RABGAP1L: variants seen among roughly 807,000 people sequenced by gnomAD.
The protein encoded by RABGAP1L is RAB GTPase activating protein 1 like.
RABGAP1L carries 63 observed loss-of-function variants against 137.7 expected under a neutral mutation model. The observed-to-expected ratio is 0.46, with a 90% CI of 0.37 to 0.56. The LOEUF is 0.56. Ranked by LOEUF, RABGAP1L falls within the 20% of genes least tolerant of loss-of-function variation. The probability of loss-of-function intolerance (pLI) is 0.00; values close to 1 mark genes in which losing one functional copy is unlikely to be tolerated. For missense variants in RABGAP1L, 1,095 were observed against 1,244.0 expected, an observed-to-expected ratio of 0.88 and a Z score of 1.80; for synonymous variants, 431 against 433.7, an observed-to-expected ratio of 0.99 and a Z score of 0.08.
intron 19 of RABGAP1L, chr1:174,892,413 A>C (rs563210462): frequency 2.5e-6 from 1 of 404,094 alleles, no homozygotes; most frequent in East Asian, 7.3e-5. Flanking sequence ...CCCTGGTTGA[A>C]GAAATATGAA....
At chr1:174,611,168 C>A (rs1052642540) in intron 13 of RABGAP1L, among the ~76,000 whole-genome samples, 9 of 147,910 alleles carry the variant, frequency 6.1e-5, no homozygotes, top group African/African-American at 2.1e-4. Context: ...AGGTTTTCTT[C>A]TAGGGTTTTT....
At chr1:174,318,752 T>A (rs964188714) in intron 11 of RABGAP1L, among the ~76,000 whole-genome samples, 6 of 151,930 alleles carry the variant, frequency 3.9e-5, no homozygotes, top group Non-Finnish European at 8.8e-5. Flanking sequence ...TTTTATGTAT[T>A]TGCTATACTT....
rs557352734 is a variant in RABGAP1L, at chr1:174,620,536, C to T, written c.1711-16839C>T. ...GAACAACCTGCTCCTGAATGACTGC[C>T]AGGTACATAACGAAATGAAGGCAGA... On this transcript the variant is annotated intron_variant, in intron 13 of 25. Coordinates refer to ENST00000681986, the MANE Select transcript of RABGAP1L (RefSeq NM_001366446.1). Among the ~76,000 whole-genome samples, 89 of 151,954 alleles carry T rather than the reference C, an allele frequency of 5.9e-4. 2 individuals carry two copies. The South Asian group carries it at 0.01, about 18-fold the overall frequency.
intron 14 of RABGAP1L, among the ~76,000 whole-genome samples, chr1:174,649,628 T>C (rs1244690228): frequency 6.6e-6 from 1 of 152,106 alleles, no homozygotes; most frequent in East Asian, 1.9e-4. Context: ...ATGATTTGGC[T>C]CTCTGTTTGT....
chr1:174,740,541 T>C (rs332790), intron 17 of RABGAP1L, among the ~76,000 whole-genome samples: 9,557 of 152,246 alleles, frequency 0.063, 998 homozygotes, highest in African/African-American at 0.22. Context: ...GCCTCCTAAC[T>C]GTATATATGT....
chr1:174,393,441 C>T (rs1647410622), intron 12 of RABGAP1L, among the ~76,000 whole-genome samples: 2 of 152,134 alleles, frequency 1.3e-5, no homozygotes, highest in Non-Finnish European at 2.9e-5. Flanking sequence ...CAGGATGTGG[C>T]CGCCAGGTAA....
At chr1:174,626,768 T>C (rs1672969780) in intron 13 of RABGAP1L, among the ~76,000 whole-genome samples, 1 of 152,250 alleles carries the variant, frequency 6.6e-6, no homozygotes. Context: ...AGTACACTTT[T>C]ATATTTTCTC....
At chr1:174,983,521 T>C (rs1212270102) in intron 24 of RABGAP1L, among the ~76,000 whole-genome samples, 1 of 152,222 alleles carries the variant, frequency 6.6e-6, no homozygotes, top group Non-Finnish European at 1.5e-5. Context: ...GGCAATATTG[T>C]CATAGTCAAC....
chr1:174,216,401 A>G (rs1669321619), intron 1 of RABGAP1L, among the ~76,000 whole-genome samples: 1 of 152,184 alleles, frequency 6.6e-6, no homozygotes, highest in Non-Finnish European at 1.5e-5. Context: ...AAAGTATCTC[A>G]CATAACACAT....
At position 174,819,599 on chromosome 1, in the gene RABGAP1L, G is replaced by A. The variant is rs544081625; in HGVS notation, c.2340+7639G>A. Among the ~76,000 whole-genome samples, 8 of 152,320 alleles carry A rather than the reference G, an allele frequency of 5.3e-5. No individual in the cohort carries two copies. In the South Asian group the frequency reaches 1.2e-3, roughly 24 times the overall value. ...ACCTTGACTCAATGATCTAGAGAAA[G>A]CATTCTTGAACTGAGATTACAAGGT... On this transcript the variant is annotated intron_variant, in intron 19 of 25. Transcript: ENST00000681986.
At chr1:174,416,571 A>C (rs1571700331) in intron 13 of RABGAP1L, among the ~76,000 whole-genome samples, 1 of 152,138 alleles carries the variant, frequency 6.6e-6, no homozygotes, top group South Asian at 2.1e-4. Flanking sequence ...ACCACATTTT[A>C]AATCCTGGAA....
At chr1:174,390,601 T>A (rs1299556259) in intron 12 of RABGAP1L, among the ~76,000 whole-genome samples, 2 of 152,190 alleles carry the variant, frequency 1.3e-5, no homozygotes, top group Non-Finnish European at 2.9e-5. Flanking sequence ...GTTGGAAATA[T>A]GTTATAGTAG....
At chr1:174,462,623 A>G (rs1365918858) in intron 13 of RABGAP1L, among the ~76,000 whole-genome samples, 3 of 152,110 alleles carry the variant, frequency 2.0e-5, no homozygotes, top group Non-Finnish European at 1.5e-5. Flanking sequence ...GGTAGGAATG[A>G]TCTCATCACC....
Position 174,406,329 on chromosome 1 carries a change from T to C in RABGAP1L, c.1710+12184T>C, listed in dbSNP as rs1558207169. 2.6e-5 allele frequency among the ~76,000 whole-genome samples: 4 copies of C among 152,362 alleles called. No individual in the cohort carries two copies. In the East Asian group the frequency reaches 5.8e-4, roughly 22 times the overall value. ...TATATTCTATTATTAGTAACAAATA[T>C]AGTTTTTGTTATCCTTCAAATGTGT... On this transcript the variant is annotated intron_variant, in intron 13 of 25. Coordinates refer to ENST00000681986, the MANE Select transcript of RABGAP1L (RefSeq NM_001366446.1).
chr1:174,298,163 T>G (rs1677303079), intron 10 of RABGAP1L, among the ~76,000 whole-genome samples: 1 of 152,196 alleles, frequency 6.6e-6, no homozygotes, highest in Admixed American at 6.5e-5. Flanking sequence ...CAGGCGTCCC[T>G]GGTTCCCTTC....
At chr1:174,597,555 A>G (rs1022714265) in intron 13 of RABGAP1L, among the ~76,000 whole-genome samples, 1 of 151,426 alleles carries the variant, frequency 6.6e-6, no homozygotes, top group Non-Finnish European at 1.5e-5. Context: ...AATCAGTTGT[A>G]ATTTTTTTTT....
chr1:174,208,445 G>A (rs779216129), intron 1 of RABGAP1L, among the ~76,000 whole-genome samples: 2 of 151,994 alleles, frequency 1.3e-5, no homozygotes, highest in Non-Finnish European at 2.9e-5. Flanking sequence ...ATTTATTGGA[G>A]GAAATTCCCC....
At chr1:174,973,604 C>T (rs890676817) in intron 21 of RABGAP1L, among the ~76,000 whole-genome samples, 5 of 152,002 alleles carry the variant, frequency 3.3e-5, no homozygotes, top group South Asian at 2.1e-4. Flanking sequence ...AGGCTGATCC[C>T]GAACTCCTGG....
At chr1:174,269,461 C>G (rs1051085558) in intron 7 of RABGAP1L, among the ~76,000 whole-genome samples, 1 of 152,096 alleles carries the variant, frequency 6.6e-6, no homozygotes, top group Non-Finnish European at 1.5e-5. Flanking sequence ...GAATCCCGGT[C>G]GTGTAACTTA....
Sources: gnomAD v4.1 joint callset for allele counts (sites outside exome capture counted in the v4.1 genomes callset) on GRCh38, gnomAD v4.1.1 for gene constraint, MANE v1.5 for transcripts, NCBI Gene and HGNC (gene_info 2026-07-23, HGNC 2026-07-21) for gene names.